The following TMEM132D variants were observed in gnomAD, a reference collection of about 807,000 sequenced individuals.
The protein encoded by TMEM132D is transmembrane protein 132D.
In TMEM132D, 21 loss-of-function variants were observed where a neutral mutation model predicts 62.3. The observed-to-expected ratio is 0.34, with a 90% CI of 0.24 to 0.49. TMEM132D has a LOEUF of 0.49. Among genes scored for constraint, TMEM132D ranks in the 20% least tolerant of loss-of-function variants. The probability of loss-of-function intolerance (pLI) is 0.99; values close to 1 mark genes in which losing one functional copy is unlikely to be tolerated. For synonymous variants in TMEM132D, 621 were observed against 575.6 expected (o/e 1.08, Z -1.13); for missense variants, 1,346 against 1,402.8 (o/e 0.96, Z 0.65).
intron 4 of TMEM132D, among the ~76,000 whole-genome samples, chr12:129,237,987 C>T (rs1167809431): frequency 6.6e-6 from 1 of 152,158 alleles, no homozygotes; most frequent in East Asian, 1.9e-4. Flanking sequence ...TAGGCTCTCA[C>T]TTTTAGCAGG....
intron 1 of TMEM132D, among the ~76,000 whole-genome samples, chr12:129,845,794 T>C (rs577784738): frequency 3.3e-5 from 5 of 152,356 alleles, no homozygotes; most frequent in Admixed American, 2.6e-4. Flanking sequence ...TAACTTTTAC[T>C]GAAGCAGCAG....
intron 5 of TMEM132D, among the ~76,000 whole-genome samples, chr12:129,201,516 G>T (rs1166462621): frequency 6.6e-6 from 1 of 152,156 alleles, no homozygotes; most frequent in African/African-American, 2.4e-5. Context: ...GATGATTTAG[G>T]GCTTGGACAA....
intron 3 of TMEM132D, among the ~76,000 whole-genome samples, chr12:129,485,534 A>G (rs971146781): frequency 1.3e-5 from 2 of 152,162 alleles, no homozygotes; most frequent in Non-Finnish European, 2.9e-5. Context: ...ACCCACTTCC[A>G]AGTCTGTGCA....
intron 2 of TMEM132D, among the ~76,000 whole-genome samples, chr12:129,598,884 G>C (rs1283612629): frequency 6.6e-6 from 1 of 152,180 alleles, no homozygotes; most frequent in Non-Finnish European, 1.5e-5. Flanking sequence ...TCTAAGCTGA[G>C]ATGGGCCTTT....
Position 129,693,590 on chromosome 12 carries a change from T to C in TMEM132D, c.968+6220A>G, listed in dbSNP as rs185679636. 2.8e-3 allele frequency among the ~76,000 whole-genome samples: 431 copies of C among 152,170 alleles called. 2 individuals carry two copies. The highest frequency in any genetic ancestry group is 6.8e-3 in the Middle Eastern group (2 of 294). On this transcript the variant is annotated intron_variant, in intron 2 of 8. Coordinates refer to ENST00000422113, the MANE Select transcript of TMEM132D (RefSeq NM_133448.3). Reference sequence around the variant, plus strand: ...CGCGGTGCTGGTGAGGTGGGATAGGTGGCCGAGGAAACGACCATGTCCTCA... The same window carrying C: ...CGCGGTGCTGGTGAGGTGGGATAGGCGGCCGAGGAAACGACCATGTCCTCA...
chr12:129,868,527 G>A (rs1424561312), intron 1 of TMEM132D, among the ~76,000 whole-genome samples: 1 of 152,118 alleles, frequency 6.6e-6, no homozygotes, highest in African/African-American at 2.4e-5. Context: ...CGTGAGTCGA[G>A]GCTTCCTGTG....
At chr12:129,138,510 G>A (rs952687179) in intron 5 of TMEM132D, among the ~76,000 whole-genome samples, 1 of 152,180 alleles carries the variant, frequency 6.6e-6, no homozygotes, top group African/African-American at 2.4e-5. Flanking sequence ...CTGAGGTCAG[G>A]AGTTTGAGAC....
intron 2 of TMEM132D, among the ~76,000 whole-genome samples, chr12:129,649,786 A>ATG (rs1162283838): frequency 2.6e-5 from 4 of 151,686 alleles, no homozygotes; most frequent in Non-Finnish European, 5.9e-5. Context: ...GTGTATATGT[A>ATG]TGTGTGTGTG....
intron 1 of TMEM132D, among the ~76,000 whole-genome samples, chr12:129,801,974 G>A (rs1012487485): frequency 5.3e-5 from 8 of 150,904 alleles, no homozygotes; most frequent in African/African-American, 1.7e-4. Flanking sequence ...GAAGCGAGAA[G>A]GGAAGTTTAG....
intron 2 of TMEM132D, among the ~76,000 whole-genome samples, chr12:129,662,491 G>A (rs1006202814): frequency 6.6e-6 from 1 of 152,116 alleles, no homozygotes; most frequent in Non-Finnish European, 1.5e-5. Context: ...TCCTAATAAT[G>A]CAGGTAGAAA....
Position 129,899,580 on chromosome 12 carries a change from G to A in TMEM132D, c.79+3681C>T, listed in dbSNP as rs575319609. ...TGGGTGGAAAGACGGATAACACCTGGATTAACAGAAAAATTGATAGATAAA... is the reference window on the plus strand; with the variant it reads ...TGGGTGGAAAGACGGATAACACCTGAATTAACAGAAAAATTGATAGATAAA... On this transcript the variant is annotated intron_variant, in intron 1 of 8. Transcript: ENST00000422113. 9.2e-5 allele frequency among the ~76,000 whole-genome samples: 14 copies of A among 152,250 alleles called. No homozygotes were observed. In the East Asian group the frequency reaches 2.5e-3, roughly 27 times the overall value.
At chr12:129,491,626 C>T (rs1874798884) in intron 3 of TMEM132D, among the ~76,000 whole-genome samples, 1 of 152,176 alleles carries the variant, frequency 6.6e-6, no homozygotes, top group African/African-American at 2.4e-5. Context: ...CATCATCTTG[C>T]AGGAGCCTGG....
chr12:129,285,995 G>C (rs970131155), intron 4 of TMEM132D, among the ~76,000 whole-genome samples: 1 of 152,132 alleles, frequency 6.6e-6, no homozygotes, highest in Admixed American at 6.5e-5. Flanking sequence ...AAAAAAATAT[G>C]CTATTAAATC....
chr12:129,788,040 C>T (rs1871291298), intron 1 of TMEM132D, among the ~76,000 whole-genome samples: 1 of 152,172 alleles, frequency 6.6e-6, no homozygotes, highest in Admixed American at 6.5e-5. Flanking sequence ...GCATCCTGGC[C>T]CAACCACTCG....
chr12:129,634,136 C>T (rs1041459321), intron 2 of TMEM132D, among the ~76,000 whole-genome samples: 1 of 152,034 alleles, frequency 6.6e-6, no homozygotes, highest in East Asian at 1.9e-4. Context: ...CAGTGGTGTC[C>T]CCTGCACTCA....
chr12:129,870,610 G>A (rs535459453), intron 1 of TMEM132D, among the ~76,000 whole-genome samples: 19 of 152,256 alleles, frequency 1.2e-4, no homozygotes, highest in South Asian at 6.2e-4. Context: ...TCCATGTGGC[G>A]CTTCCTGAGT....
At chr12:129,122,222 C>T (rs1876088012) in intron 5 of TMEM132D, among the ~76,000 whole-genome samples, 1 of 152,234 alleles carries the variant, frequency 6.6e-6, no homozygotes, top group South Asian at 2.1e-4. Flanking sequence ...CACCTTCCTT[C>T]CTTCCAGAGC....
At chr12:129,223,288 G>T (rs1879395489) in intron 4 of TMEM132D, among the ~76,000 whole-genome samples, 1 of 151,886 alleles carries the variant, frequency 6.6e-6, no homozygotes, top group Non-Finnish European at 1.5e-5. Flanking sequence ...CCGAGGCTAG[G>T]TCCTAAAAGC....
intron 3 of TMEM132D, among the ~76,000 whole-genome samples, chr12:129,360,293 T>C (rs1239169215): frequency 6.6e-6 from 1 of 152,146 alleles, no homozygotes; most frequent in African/African-American, 2.4e-5. Flanking sequence ...CTAAGATCCG[T>C]AGGTGAGTTT....
Sources: gnomAD v4.1 joint callset for allele counts (sites outside exome capture counted in the v4.1 genomes callset) on GRCh38, gnomAD v4.1.1 for gene constraint, MANE v1.5 for transcripts, NCBI Gene and HGNC (gene_info 2026-07-23, HGNC 2026-07-21) for gene names.